GGA2: variants seen among roughly 807,000 people sequenced by gnomAD.
GGA2 encodes ADP-ribosylation factor-binding protein GGA2.
Under a neutral mutation model 79.5 loss-of-function variants are expected in GGA2, and 48 were observed. The observed-to-expected ratio is 0.60, with a 90% confidence interval of 0.48 to 0.77. GGA2 has a LOEUF of 0.77. Among genes scored for constraint, GGA2 ranks in the 30% least tolerant of loss-of-function variants. The pLI, the probability that GGA2 is intolerant of heterozygous loss-of-function variation, is 0.00. For synonymous variants in GGA2, 317 were observed against 302.0 expected, an observed-to-expected ratio of 1.05 and a Z score of -0.51; for missense variants, 770 against 774.0, an observed-to-expected ratio of 0.99 and a Z score of 0.06.
Position 23,478,466 on chromosome 16 carries a change from A to T in GGA2, c.1194T>A (p.Asn398Lys). Residue 398 changes from asparagine (N) to lysine (K), a missense_variant, in exon 13 of 17, where the codon AAT (asparagine) becomes AAA (lysine). Transcript: ENST00000309859. ...SGQNCCEEKR[N>K]PSSSTLPGGG... The stretch of plus-strand genomic sequence containing the variant: ...CGCCTGGCAGCGTGCTGGAGGAGGG[A>T]TTCCTCTTTTCCTCACAGCAATTCT... 1.9e-6 allele frequency: 3 copies of T among 1,610,436 alleles called. No individual in the cohort carries two copies. The highest frequency in any genetic ancestry group is 1.7e-6 in the Non-Finnish European group (2 of 1,177,604).
At chr16:23,496,415 C>T (rs564172934) in intron 1 of GGA2, among the ~76,000 whole-genome samples, 2 of 152,020 alleles carry the variant, frequency 1.3e-5, no homozygotes, top group African/African-American at 2.4e-5. Flanking sequence ...AGTTGGGATG[C>T]CCCCACCTGG....
intron 13 of GGA2, 108 bp from the exon 14 acceptor site, chr16:23,475,169 CAG>C: frequency 5.0e-6 from 3 of 599,194 alleles, no homozygotes; most frequent in Middle Eastern, 4.6e-4. Flanking sequence ...CACACACACA[CAG>C]AGTTAGATGT....
intron 1 of GGA2, among the ~76,000 whole-genome samples, chr16:23,499,664 A>G (rs1479421656): frequency 6.6e-6 from 1 of 152,036 alleles, no homozygotes; most frequent in Non-Finnish European, 1.5e-5. Context: ...GGGTTTCACC[A>G]TGTTAGCCAG....
rs75263022 is a variant in GGA2, at chr16:23,495,155, A to G, written c.176+539T>C. Among the ~76,000 whole-genome samples, 877 of 152,236 alleles carry G rather than the reference A, an allele frequency of 5.8e-3. 14 individuals carry two copies. Among genetic ancestry groups the G allele is most frequent in the African/African-American group, 0.02 (832 of 41,548 alleles). On this transcript the variant is annotated intron_variant, in intron 2 of 16. Transcript: ENST00000309859. The stretch of plus-strand genomic sequence containing the variant: ...ATGACTCACTTGATTCTGATTCTTC[A>G]GGTCCTATCCAGATGCTGTGGAAAC...
chr16:23,522,942 T>C (rs1965163738), upstream of GGA2: 1 of 152,182 alleles, frequency 6.6e-6, no homozygotes, highest in Non-Finnish European at 1.5e-5. Flanking sequence ...CCTTGTCATG[T>C]GGAGCACTCC....
Position 23,501,396 on chromosome 16 carries a change from T to A in GGA2, c.92-5618A>T, listed in dbSNP as rs1964920151. 8 of 446,656 alleles carry A rather than the reference T, an allele frequency of 1.8e-5. 1 individual carries two copies. Among genetic ancestry groups the A allele is most frequent in the South Asian group, 8.0e-5 (5 of 62,814 alleles). 27.7% of individuals were successfully genotyped at this position (446,656 alleles called of 1,614,324 possible). On this transcript the variant is annotated intron_variant, in intron 1 of 16. Coordinates refer to ENST00000309859, the MANE Select transcript of GGA2 (RefSeq NM_015044.4). The stretch of plus-strand genomic sequence containing the variant: ...CCCAAGGACATTGCAGTTGAGAACA[T>A]GAGCAAGATGGAGAAGTGTTTTTTG...
At position 23,469,008 on chromosome 16, in the gene GGA2, A is replaced by G; in HGVS notation, c.1621-12T>C. The stretch of plus-strand genomic sequence containing the variant: ...TTCACTCTCATTGACTATCAGGGGA[A>G]GAAAACCAACATGTAACTCATTCCT... On this transcript the variant is annotated splice_polypyrimidine_tract_variant and intron_variant, in intron 15 of 16. Coordinates refer to ENST00000309859, the MANE Select transcript of GGA2 (RefSeq NM_015044.4). The G allele has an allele frequency of 1.3e-6, 2 of 1,526,090 alleles. No homozygotes were observed. Among genetic ancestry groups the G allele is most frequent in the Non-Finnish European group, 1.8e-6 (2 of 1,099,722 alleles). The allele number at this position is 1,526,090 out of a possible 1,614,324, so 94.5% of individuals were successfully genotyped here. A position where few individuals can be genotyped will look rare whatever the true frequency, so the allele number is the denominator to read the frequency against.
At chr16:23,490,999 G>A (rs1390377977) in intron 5 of GGA2, among the ~76,000 whole-genome samples, 1 of 152,140 alleles carries the variant, frequency 6.6e-6, no homozygotes. Context: ...TTTGAGACCA[G>A]CGTGGGTAAC....
At chr16:23,479,599 A>C (rs1964621710) in intron 11 of GGA2, among the ~76,000 whole-genome samples, 166 bp downstream of exon 11, 2 of 146,762 alleles carry the variant, frequency 1.4e-5, no homozygotes. Context: ...ACCCATCCTG[A>C]CTCCCTCAGC....
At chr16:23,524,028 G>A (rs1750871023), upstream of GGA2, 1 of 225,500 alleles carries the variant, frequency 4.4e-6, no homozygotes, top group Non-Finnish European at 8.7e-6. Context: ...TTTTGTTATG[G>A]GGGCCCTAGC....
Position 23,463,849 on chromosome 16 carries a change from C to T in GGA2, c.*3741G>A, listed in dbSNP as rs1378489421. The T allele has an allele frequency of 1.3e-5, 2 of 152,242 alleles. No homozygotes were observed. The highest frequency in any genetic ancestry group is 1.5e-5 in the Non-Finnish European group (1 of 68,066). The allele number at this position is 152,242 out of a possible 1,614,324, so 9.4% of individuals were successfully genotyped here. A position where few individuals can be genotyped will look rare whatever the true frequency, so the allele number is the denominator to read the frequency against. On this transcript the variant is annotated 3_prime_UTR_variant, in exon 17 of 17. Coordinates refer to ENST00000309859, the MANE Select transcript of GGA2 (RefSeq NM_015044.4). Reference sequence around the variant, plus strand: ...GGGCGTGGCAGCATGCACCTGTAGTCCCAGCTACTCCAGAGGCTGAAGCCG... The same window carrying T: ...GGGCGTGGCAGCATGCACCTGTAGTTCCAGCTACTCCAGAGGCTGAAGCCG...
At chr16:23,468,393 G>C (rs1469768684) in intron 16 of GGA2, among the ~76,000 whole-genome samples, 1 of 151,982 alleles carries the variant, frequency 6.6e-6, no homozygotes, top group Non-Finnish European at 1.5e-5. Context: ...GGCCAGGATG[G>C]TCTCGATCGC....
chr16:23,496,218 G>A (rs564320926), intron 1 of GGA2, among the ~76,000 whole-genome samples: 2 of 147,236 alleles, frequency 1.4e-5, no homozygotes, highest in Non-Finnish European at 3.0e-5. Context: ...CAGGAGAATC[G>A]CTTGAACTTG....
At chr16:23,481,298 A>T (rs1964644767) in intron 9 of GGA2, among the ~76,000 whole-genome samples, 1 of 152,188 alleles carries the variant, frequency 6.6e-6, no homozygotes, top group Non-Finnish European at 1.5e-5. Flanking sequence ...GCTTAAACCC[A>T]GGAGACGGAG....
At chr16:23,518,870 G>A (rs1049379841) in intron 2 of GGA2, among the ~76,000 whole-genome samples, 1 of 152,104 alleles carries the variant, frequency 6.6e-6, no homozygotes, top group Non-Finnish European at 1.5e-5. Flanking sequence ...CAAAAAGACA[G>A]ACTTCCTGCC....
chr16:23,487,282 C>A (rs1964727724), intron 6 of GGA2, among the ~76,000 whole-genome samples: 2 of 152,160 alleles, frequency 1.3e-5, no homozygotes, highest in African/African-American at 4.8e-5. Context: ...GCCTGGCCTG[C>A]CACTGGTTTT....
intron 1 of GGA2, chr16:23,500,769 G>A (rs752479180): frequency 3.7e-5 from 6 of 161,828 alleles, no homozygotes; most frequent in Admixed American, 6.4e-5. Context: ...CTGCCCAGTC[G>A]GATTTAGGAG....
At chr16:23,486,905 C>A in intron 6 of GGA2, 115 bp from the exon 7 acceptor site, 1 of 749,468 alleles carries the variant, frequency 1.3e-6, no homozygotes, top group East Asian at 2.5e-5. Context: ...TTACATGCAC[C>A]ATCTCACCAA....
chr16:23,509,581 C>G (rs1965012112), intron 1 of GGA2, among the ~76,000 whole-genome samples: 1 of 152,024 alleles, frequency 6.6e-6, no homozygotes, highest in African/African-American at 2.4e-5. Context: ...TATTCTTTAT[C>G]CCCTTTGAAC....
Sources: allele counts gnomAD v4.1 joint callset (sites outside exome capture counted in the v4.1 genomes callset), GRCh38; gene constraint gnomAD v4.1.1; transcripts MANE v1.5; gene names NCBI Gene and HGNC (gene_info 2026-07-23, HGNC 2026-07-21).